Variants in HTR3B observed in about 807,000 individuals in gnomAD.
The protein encoded by HTR3B is 5-hydroxytryptamine (serotonin) receptor 3B, ionotropic.
In HTR3B, 44 loss-of-function variants were observed where a neutral mutation model predicts 42.8. The ratio of observed to expected loss-of-function variants is 1.03; its 90% confidence interval spans 0.81 to 1.32. The LOEUF (loss-of-function observed/expected upper bound fraction) is 1.32, where lower values mean the gene tolerates loss of function less well. Ranked by LOEUF, HTR3B falls within the 40% of genes most tolerant of loss-of-function variation. The pLI, the probability that HTR3B is intolerant of heterozygous loss-of-function variation, is 0.00. For missense variants in HTR3B, 527 were observed against 536.5 expected, an observed-to-expected ratio of 0.98 and a Z score of 0.17; for synonymous variants, 203 against 209.0, an observed-to-expected ratio of 0.97 and a Z score of 0.25.
chr11:113,917,428 C>T (rs547899570), intron 2 of HTR3B, among the ~76,000 whole-genome samples: 14 of 152,172 alleles, frequency 9.2e-5, no homozygotes, highest in East Asian at 3.9e-4. Context: ...CCACTGCACC[C>T]GGCCGAAATC....
chr11:113,932,464 C>A lies in HTR3B; in HGVS notation c.538+6C>A, dbSNP rs932446154. 4 of 1,608,986 alleles carry A rather than the reference C, an allele frequency of 2.5e-6. No individual in the cohort carries two copies. Among genetic ancestry groups the A allele is most frequent in the Non-Finnish European group, 3.4e-6 (4 of 1,175,914 alleles). On this transcript the variant is annotated splice_donor_region_variant and intron_variant, in intron 5 of 8. Coordinates refer to ENST00000260191, the MANE Select transcript of HTR3B (RefSeq NM_006028.5). ...CAAGAGCATTCTGCATACAGGTAAA[C>A]CATGAGAGATACCCATTAATGCTAG... is the stretch of plus-strand genomic sequence containing the variant.
chr11:113,926,478 C>T (rs530000532), intron 2 of HTR3B, among the ~76,000 whole-genome samples: 7 of 122,186 alleles, frequency 5.7e-5, no homozygotes, highest in Non-Finnish European at 1.0e-4. Context: ...TTTTCCTTTC[C>T]TTTCCTTTCC....
intron 2 of HTR3B, among the ~76,000 whole-genome samples, chr11:113,925,430 T>G (rs1204264798): frequency 6.8e-6 from 1 of 147,864 alleles, no homozygotes; most frequent in Non-Finnish European, 1.5e-5. Flanking sequence ...TTTTTTTTTT[T>G]TTTTTTTTTT....
chr11:113,940,209 G>A lies in HTR3B; in HGVS notation c.697-2773G>A, dbSNP rs183784461. On this transcript the variant is annotated intron_variant, in intron 6 of 8. Transcript: ENST00000260191. ...GCCTGTCCCCTTGATTTTGAGTCTG[G>A]GCTCTTTCTGCTTAACCAACATGGC... 1.8e-3 allele frequency among the ~76,000 whole-genome samples: 280 copies of A among 152,164 alleles called. 1 individual carries two copies. Among genetic ancestry groups the A allele is most frequent in the Non-Finnish European group, 2.9e-3 (200 of 68,004 alleles).
intron 2 of HTR3B, among the ~76,000 whole-genome samples, chr11:113,911,423 T>C (rs567150699): frequency 6.6e-6 from 1 of 150,892 alleles, no homozygotes; most frequent in East Asian, 2.0e-4. Context: ...AGAGATGGGG[T>C]TTCACCATGT....
chr11:113,918,615 C>T, intron 2 of HTR3B, among the ~76,000 whole-genome samples: 1 of 143,956 alleles, frequency 6.9e-6, no homozygotes, highest in African/African-American at 2.6e-5. Context: ...AATACTATTC[C>T]AGGTTAGGGC....
At position 113,948,860 on chromosome 11, in the gene HTR3B, T is replaced by G. The variant is rs1423886774; in HGVS notation, c.*2723T>G. On this transcript the variant is annotated 3_prime_UTR_variant, in exon 9 of 9. Coordinates refer to ENST00000260191, the MANE Select transcript of HTR3B (RefSeq NM_006028.5). ...CCCGGGCAACAAGAGCTAAACTCTATCTCAAAAAAAAAAAAAAGTTTAAAG... is the reference window on the plus strand; with the variant it reads ...CCCGGGCAACAAGAGCTAAACTCTAGCTCAAAAAAAAAAAAAAGTTTAAAG... Among the ~76,000 whole-genome samples the G allele has an allele frequency of 3.3e-5, 2 of 60,580 alleles. No individual in the cohort carries two copies. Among genetic ancestry groups the G allele is most frequent in the African/African-American group, 1.3e-4 (2 of 15,236 alleles). The allele number at this position is 60,580 out of a possible 152,430, so 39.7% of individuals were successfully genotyped here.
chr11:113,932,403 T>C lies in HTR3B; in HGVS notation c.483T>C (p.Ala161=). Residue 161 remains alanine, a synonymous_variant, in exon 5 of 9, where the codon GCT becomes GCC. Coordinates refer to ENST00000260191, the MANE Select transcript of HTR3B (RefSeq NM_006028.5). ...CTGCGTGCAGTTTAGAGACATATGC[T>C]TTTCCATTTGATGTCCAGAATTGCA... ...VVSACSLETY[A]FPFDVQNCSL... is the part of the protein sequence containing the mutation. The C allele has an allele frequency of 6.2e-7, 1 of 1,614,130 alleles. No homozygotes were observed. The highest frequency in any genetic ancestry group is 1.1e-5 in the South Asian group (1 of 91,090).
rs190889253 is a variant in HTR3B at position 113,908,790 on chromosome 11, C to G, written c.53-505C>G. ...TGAGGAGAAAAGTACAAATTGGGCTCTCGTTAATCCCTTTATCTAGAAATC... is the reference window on the plus strand; with the variant it reads ...TGAGGAGAAAAGTACAAATTGGGCTGTCGTTAATCCCTTTATCTAGAAATC... On this transcript the variant is annotated intron_variant, in intron 1 of 8. Coordinates refer to ENST00000260191, the MANE Select transcript of HTR3B (RefSeq NM_006028.5). 4.6e-5 allele frequency among the ~76,000 whole-genome samples: 7 copies of G among 152,286 alleles called. No homozygotes were observed. The East Asian group carries it at 1.4e-3, about 29-fold the overall frequency.
chr11:113,939,226 A>G (rs921800270), intron 6 of HTR3B, among the ~76,000 whole-genome samples: 1 of 152,160 alleles, frequency 6.6e-6, no homozygotes, highest in African/African-American at 2.4e-5. Flanking sequence ...GCTTTGCTTT[A>G]TGTTACAGCA....
In HTR3B at chr11:113,947,853, A is replaced by C. The variant is rs1950191274; in HGVS notation, c.*1716A>C. ...GAGGTTTAGCAAGTCCAGATTCTGC[A>C]GAGTAGGCTGGCAGGCTGGAGACCT... On this transcript the variant is annotated 3_prime_UTR_variant, in exon 9 of 9. Transcript: ENST00000260191. Among the ~76,000 whole-genome samples, 2 of 152,200 alleles carry C rather than the reference A, an allele frequency of 1.3e-5. No homozygotes were observed. The highest frequency in any genetic ancestry group is 4.1e-4 in the South Asian group (2 of 4,838).
rs539145522 is a variant in HTR3B, at chr11:113,943,131, C to T, written c.846C>T (p.Thr282=). ...AGACCAGTGTGCTGGTGGGCTACACCGTCTTCAGGGTCAACATGTCCAACC... is the reference window on the plus strand; with the variant it reads ...AGACCAGTGTGCTGGTGGGCTACACTGTCTTCAGGGTCAACATGTCCAACC... ...VFKTSVLVGY[T]VFRVNMSNQV... Residue 282 remains threonine, a synonymous_variant, in exon 7 of 9, where the codon ACC becomes ACT. Transcript: ENST00000260191. The T allele has an allele frequency of 3.5e-5, 56 of 1,614,038 alleles. No homozygotes were observed. The highest frequency in any genetic ancestry group is 5.5e-5 in the South Asian group (5 of 91,074).
chr11:113,906,662 C>T (rs1481600936), intron 1 of HTR3B, among the ~76,000 whole-genome samples: 1 of 152,072 alleles, frequency 6.6e-6, no homozygotes, highest in Non-Finnish European at 1.5e-5. Flanking sequence ...AATCATGTAG[C>T]GTCATGATTA....
Position 113,946,157 on chromosome 11 carries a change from T to C in HTR3B, c.*20T>C. 1 of 1,566,634 alleles carries C rather than the reference T, an allele frequency of 6.4e-7. No homozygotes were observed. Among genetic ancestry groups the C allele is most frequent in the Non-Finnish European group, 8.8e-7 (1 of 1,138,044 alleles). ...GTGTGAAGACTGAAGTGTTCTTCAG[T>C]AATTGTGCTGGCACTTAGGAGAGAG... On this transcript the variant is annotated 3_prime_UTR_variant, in exon 9 of 9. Transcript: ENST00000260191.
In HTR3B at chr11:113,921,563, G is replaced by C. The variant is rs531540680; in HGVS notation, c.214-9821G>C. Among the ~76,000 whole-genome samples the C allele has an allele frequency of 2.0e-5, 3 of 151,188 alleles. No individual in the cohort carries two copies. The South Asian group carries it at 6.3e-4, about 32-fold the overall frequency. On this transcript the variant is annotated intron_variant, in intron 2 of 8. Transcript: ENST00000260191. ...GGACCCAGGAGGCAGAGATTGCAGTGAGCTGAGATCGCTCCACTGCACTCC... is the reference window on the plus strand; with the variant it reads ...GGACCCAGGAGGCAGAGATTGCAGTCAGCTGAGATCGCTCCACTGCACTCC...
intron 2 of HTR3B, among the ~76,000 whole-genome samples, chr11:113,925,907 A>T (rs1172645913): frequency 6.6e-6 from 1 of 152,220 alleles, no homozygotes; most frequent in Non-Finnish European, 1.5e-5. Context: ...ACCAATTTAA[A>T]GTATACAATT....
chr11:113,909,004 T>C, intron 1 of HTR3B: 2 of 530,266 alleles, frequency 3.8e-6, no homozygotes, highest in Non-Finnish European at 6.6e-6. Flanking sequence ...TTATTCTGTC[T>C]CCAAAATGCA....
chr11:113,919,768 C>T (rs546420938), intron 2 of HTR3B, among the ~76,000 whole-genome samples: 52 of 151,666 alleles, frequency 3.4e-4, no homozygotes, highest in African/African-American at 1.1e-3. Context: ...GCGGAGGTTG[C>T]GGTGAGCCGA....
chr11:113,932,355 CTATAA>C lies in HTR3B; in HGVS notation c.436_440del (p.Tyr146AlafsTer18). ...TGAACTCATCTGGGACCATTGAGAA[CTATAA>C]GCCCATCCAGGTGGTCTCTGCGTGC... On this transcript the variant is annotated frameshift_variant, in exon 5 of 9. Transcript: ENST00000260191. LOFTEE classifies it high-confidence loss of function. 6.2e-7 allele frequency: 1 copy of C among 1,613,706 alleles called. No individual in the cohort carries two copies.
Sources: allele counts gnomAD v4.1 joint callset (sites outside exome capture counted in the v4.1 genomes callset), GRCh38; gene constraint gnomAD v4.1.1; transcripts MANE v1.5; gene names NCBI Gene and HGNC (gene_info 2026-07-23, HGNC 2026-07-21).